ADAM22: variants seen among roughly 807,000 people sequenced by gnomAD.
ADAM22 encodes the protein ADAM metallopeptidase domain 22, also known as disintegrin and metalloproteinase domain-containing protein 22.
A neutral mutation model predicts 144.6 loss-of-function variants in ADAM22; 65 were observed. The observed-to-expected ratio is 0.45, with a 90% CI of 0.37 to 0.55. The LOEUF is 0.55. Ranked by LOEUF, ADAM22 falls within the 20% of genes least tolerant of loss-of-function variation. ADAM22 has a pLI of 0.00. For synonymous variants in ADAM22, 391 were observed against 412.6 expected (o/e 0.95, Z 0.63); for missense variants, 974 against 1,184.9 (o/e 0.82, Z 2.61).
chr7:88,101,643 C>A (rs975234739), intron 4 of ADAM22, among the ~76,000 whole-genome samples: 2 of 152,146 alleles, frequency 1.3e-5, no homozygotes, highest in African/African-American at 2.4e-5. Flanking sequence ...TCTTATCTCA[C>A]CTTTTACCTT....
intron 4 of ADAM22, among the ~76,000 whole-genome samples, chr7:88,094,262 C>A (rs1250160795): frequency 6.6e-6 from 1 of 152,164 alleles, no homozygotes; most frequent in African/African-American, 2.4e-5. Flanking sequence ...GGAGACCTGA[C>A]CTCATCTGGT....
chr7:87,967,480 A>G (rs957952291), intron 2 of ADAM22, among the ~76,000 whole-genome samples: 1 of 152,048 alleles, frequency 6.6e-6, no homozygotes, highest in Non-Finnish European at 1.5e-5. Flanking sequence ...ATACCATGGG[A>G]ATTCCAATAT....
chr7:88,106,599 T>G (rs547997255), intron 4 of ADAM22, among the ~76,000 whole-genome samples: 1 of 152,340 alleles, frequency 6.6e-6, no homozygotes, highest in African/African-American at 2.4e-5. Context: ...TTTCACTCTT[T>G]CGTATCTCAG....
chr7:88,174,684 TCTTC>T (rs1279944164), intron 26 of ADAM22, among the ~76,000 whole-genome samples: 1 of 152,090 alleles, frequency 6.6e-6, no homozygotes, highest in Non-Finnish European at 1.5e-5. Context: ...AATCTTATTC[TCTTC>T]CTTTGTCTGA....
At chr7:88,004,130 C>T (rs1230925835) in intron 3 of ADAM22, among the ~76,000 whole-genome samples, 1 of 152,220 alleles carries the variant, frequency 6.6e-6, no homozygotes, top group Non-Finnish European at 1.5e-5. Flanking sequence ...AGTACTGCTG[C>T]ATTGCCTGCA....
chr7:88,003,238 T>C (rs559897017), intron 3 of ADAM22, among the ~76,000 whole-genome samples: 1 of 152,342 alleles, frequency 6.6e-6, no homozygotes, highest in South Asian at 2.1e-4. Flanking sequence ...AAATAAGCTG[T>C]CAATTTAAAA....
chr7:87,970,182 G>A (rs1850090648), intron 2 of ADAM22, among the ~76,000 whole-genome samples: 1 of 152,134 alleles, frequency 6.6e-6, no homozygotes, highest in South Asian at 2.1e-4. Flanking sequence ...TTCTCATAAG[G>A]CTATGGTGAT....
chr7:88,189,031 A>G (rs1370194639), intron 30 of ADAM22, among the ~76,000 whole-genome samples: 1 of 152,188 alleles, frequency 6.6e-6, no homozygotes, highest in African/African-American at 2.4e-5. Context: ...AAACTGGTTC[A>G]AAATATAGTC....
At chr7:88,145,098 T>C in intron 15 of ADAM22, 27 bp from the exon 16 acceptor site, 1 of 1,606,656 alleles carries the variant, frequency 6.2e-7, no homozygotes, top group Non-Finnish European at 8.5e-7. Context: ...TTCTATATTT[T>C]AGTTCACTTT....
intron 2 of ADAM22, among the ~76,000 whole-genome samples, chr7:87,971,737 C>T (rs564810121): frequency 2.2e-4 from 34 of 152,218 alleles, no homozygotes; most frequent in Admixed American, 6.5e-5. Context: ...ATTCTCTCTT[C>T]TCAAACATAC....
At chr7:88,177,233 TC>T in intron 26 of ADAM22, among the ~76,000 whole-genome samples, 1 of 152,226 alleles carries the variant, frequency 6.6e-6, no homozygotes, top group South Asian at 2.1e-4. Context: ...GGAAGTTTTC[TC>T]CCCAAGGCAA....
At chr7:88,050,718 C>T (rs995151199) in intron 3 of ADAM22, among the ~76,000 whole-genome samples, 1 of 151,800 alleles carries the variant, frequency 6.6e-6, no homozygotes, top group Non-Finnish European at 1.5e-5. Context: ...TTGTTTTTTT[C>T]TTGTAAATTT....
intron 3 of ADAM22, among the ~76,000 whole-genome samples, chr7:88,039,310 G>A (rs1435188214): frequency 6.7e-6 from 1 of 150,310 alleles, no homozygotes; most frequent in Non-Finnish European, 1.5e-5. Flanking sequence ...AGACATGGTG[G>A]CACACGCCTG....
At chr7:87,956,226 C>T (rs1004721655) in intron 2 of ADAM22, among the ~76,000 whole-genome samples, 8 of 152,142 alleles carry the variant, frequency 5.3e-5, no homozygotes, top group African/African-American at 9.7e-5. Context: ...GCATCACTCA[C>T]GCTGGGAGCT....
intron 2 of ADAM22, among the ~76,000 whole-genome samples, chr7:87,954,103 C>T (rs1186881822): frequency 1.3e-5 from 2 of 152,052 alleles, no homozygotes; most frequent in Non-Finnish European, 2.9e-5. Context: ...TCCAATTTGC[C>T]AGTCTGTGTC....
At chr7:88,040,307 T>C (rs1035280050) in intron 3 of ADAM22, among the ~76,000 whole-genome samples, 5 of 151,938 alleles carry the variant, frequency 3.3e-5, no homozygotes, top group African/African-American at 1.2e-4. Flanking sequence ...ACTTTTTGCA[T>C]TTTTAGTAGA....
At chr7:87,950,244 C>T (rs956521429) in intron 2 of ADAM22, among the ~76,000 whole-genome samples, 2 of 150,248 alleles carry the variant, frequency 1.3e-5, no homozygotes, top group African/African-American at 2.4e-5. Flanking sequence ...CCCATTAACA[C>T]GTCATTTAGC....
intron 4 of ADAM22, among the ~76,000 whole-genome samples, chr7:88,082,703 A>G (rs1308625779): frequency 6.6e-6 from 1 of 152,236 alleles, no homozygotes; most frequent in Non-Finnish European, 1.5e-5. Flanking sequence ...TTCTCAAAAG[A>G]AGACATTTAT....
At chr7:88,023,290 T>C (rs1320002542) in intron 3 of ADAM22, among the ~76,000 whole-genome samples, 2 of 152,198 alleles carry the variant, frequency 1.3e-5, no homozygotes, top group Non-Finnish European at 2.9e-5. Context: ...ACATAGTAGG[T>C]GTATATATTC....
Sources: allele counts gnomAD v4.1 joint callset (sites outside exome capture counted in the v4.1 genomes callset), GRCh38; gene constraint gnomAD v4.1.1; transcripts MANE v1.5; gene names NCBI Gene and HGNC (gene_info 2026-07-23, HGNC 2026-07-21).